CADM1: variants seen among roughly 807,000 people sequenced by gnomAD.
CADM1 encodes the protein cell adhesion molecule 1.
Under a neutral mutation model 53.1 loss-of-function variants are expected in CADM1, and 15 were observed. That is an observed-to-expected ratio of 0.28 (90% CI 0.19 to 0.44). The LOEUF (loss-of-function observed/expected upper bound fraction) is 0.44, where lower values mean the gene tolerates loss of function less well. Among genes scored for constraint, CADM1 ranks in the 20% least tolerant of loss-of-function variants. The pLI, the probability that CADM1 is intolerant of heterozygous loss-of-function variation, is 1.00. For synonymous variants in CADM1, 281 were observed against 243.0 expected (o/e 1.16, Z -1.45); for missense variants, 434 against 611.3 (o/e 0.71, Z 3.06).
chr11:115,229,282 G>GA lies in CADM1; in HGVS notation c.563-12dup. 6.2e-7 allele frequency: 1 copy of GA among 1,613,932 alleles called. No individual in the cohort carries two copies. The highest frequency in any genetic ancestry group is 8.5e-7 in the Non-Finnish European group (1 of 1,179,854). On this transcript the variant is annotated splice_polypyrimidine_tract_variant and intron_variant, in intron 4 of 11. Transcript: ENST00000331581. ...CCACCTCCGATTTGCCTGGGGAACA[G>GA]AAAATGTACCAAGACACCAGAGTTG...
intron 1 of CADM1, among the ~76,000 whole-genome samples, chr11:115,442,473 C>G (rs1948338925): frequency 6.6e-6 from 1 of 152,160 alleles, no homozygotes. Flanking sequence ...ATCATCATCT[C>G]TCCATCAGTG....
Position 115,175,628 on chromosome 11 carries a change from G to A in CADM1, c.*846C>T, listed in dbSNP as rs563864463. ...TCTGTTTAGGGCATGGAAAAAGGAG[G>A]AGTCCTTTCTGCCCCAAACCTTTCT... On this transcript the variant is annotated 3_prime_UTR_variant, in exon 12 of 12. Coordinates refer to ENST00000331581, the MANE Select transcript of CADM1 (RefSeq NM_001301043.2). The A allele has an allele frequency of 1.3e-5, 13 of 985,560 alleles. No homozygotes were observed. In the East Asian group the frequency reaches 1.4e-3, roughly 103 times the overall value. 61.1% of individuals were successfully genotyped at this position (985,560 alleles called of 1,614,324 possible).
chr11:115,255,367 A>G (rs1409300054), intron 1 of CADM1, among the ~76,000 whole-genome samples: 1 of 152,214 alleles, frequency 6.6e-6, no homozygotes, highest in Admixed American at 6.5e-5. Flanking sequence ...GAGCTTTGCT[A>G]TGCAGTGTTG....
intron 1 of CADM1, among the ~76,000 whole-genome samples, chr11:115,388,249 G>GTGGGTGGA (rs952307180): frequency 6.6e-6 from 1 of 152,186 alleles, no homozygotes; most frequent in East Asian, 1.9e-4. Context: ...ATGAGAGTGG[G>GTGGGTGGA]TGGGTGGATG....
chr11:115,257,004 C>G, intron 1 of CADM1: 1 of 412,328 alleles, frequency 2.4e-6, no homozygotes, highest in Non-Finnish European at 5.0e-6. Flanking sequence ...GAATTACGTA[C>G]TTCCTGGAAA....
intron 1 of CADM1, among the ~76,000 whole-genome samples, chr11:115,465,305 G>T (rs1287231010): frequency 1.3e-5 from 2 of 152,166 alleles, no homozygotes; most frequent in East Asian, 3.9e-4. Flanking sequence ...GCATGAATTT[G>T]GGCTAGTCTC....
Position 115,173,915 on chromosome 11 carries a change from T to G in CADM1, c.*2559A>C. ...CCTTTAAAAAACACAAAAAACAAGT[T>G]TGTTCTTTCTTCACTCTAAAAAAAG... On this transcript the variant is annotated 3_prime_UTR_variant, in exon 12 of 12. Transcript: ENST00000331581. The G allele has an allele frequency of 2.1e-6, 2 of 968,446 alleles. No homozygotes were observed. Among genetic ancestry groups the G allele is most frequent in the Non-Finnish European group, 2.5e-6 (2 of 814,506 alleles). 60.0% of individuals were successfully genotyped at this position (968,446 alleles called of 1,614,324 possible). A position where few individuals can be genotyped will look rare whatever the true frequency, so the allele number is the denominator to read the frequency against.
chr11:115,314,649 C>A (rs182924316), intron 1 of CADM1, among the ~76,000 whole-genome samples: 252 of 152,222 alleles, frequency 1.7e-3, no homozygotes, highest in African/African-American at 5.8e-3. Flanking sequence ...TGGTAGTAAA[C>A]AGAGTGCCCA....
intron 1 of CADM1, among the ~76,000 whole-genome samples, chr11:115,483,949 G>A (rs1160556340): frequency 6.6e-6 from 1 of 152,148 alleles, no homozygotes; most frequent in Non-Finnish European, 1.5e-5. Context: ...GCCAGAAAAA[G>A]GATGCCAAAC....
intron 1 of CADM1, among the ~76,000 whole-genome samples, chr11:115,324,110 A>G (rs896677281): frequency 6.6e-6 from 1 of 152,162 alleles, no homozygotes; most frequent in Non-Finnish European, 1.5e-5. Flanking sequence ...TTTCAAGCCA[A>G]CTCACTCTTG....
In CADM1 at chr11:115,256,001, G is replaced by A. The variant is rs551630657; in HGVS notation, c.125-15581C>T. Among the ~76,000 whole-genome samples, 6 of 152,302 alleles carry A rather than the reference G, an allele frequency of 3.9e-5. No homozygotes were observed. The South Asian group carries it at 1.0e-3, about 26-fold the overall frequency. ...TAGTGGGGTCTGTCAGTTCACAAGC[G>A]GTAGCACCCTAGCTGAATTTTTGCT... On this transcript the variant is annotated intron_variant, in intron 1 of 11. Coordinates refer to ENST00000331581, the MANE Select transcript of CADM1 (RefSeq NM_001301043.2).
chr11:115,272,525 T>C (rs765758839), intron 1 of CADM1, among the ~76,000 whole-genome samples: 4 of 152,148 alleles, frequency 2.6e-5, no homozygotes, highest in Non-Finnish European at 5.9e-5. Context: ...AAACAAACTT[T>C]TAACTCTCCA....
intron 1 of CADM1, among the ~76,000 whole-genome samples, chr11:115,307,055 G>A (rs1944394338): frequency 6.6e-6 from 1 of 151,904 alleles, no homozygotes; most frequent in Non-Finnish European, 1.5e-5. Flanking sequence ...TCATGCAATA[G>A]CATTCAAATA....
At chr11:115,239,598 C>T (rs1045304530) in intron 2 of CADM1, among the ~76,000 whole-genome samples, 18 of 152,080 alleles carry the variant, frequency 1.2e-4, no homozygotes, top group Non-Finnish European at 2.1e-4. Flanking sequence ...GGTTTATCAA[C>T]GTTTTCCACA....
chr11:115,484,493 C>T (rs1949326970), intron 1 of CADM1, among the ~76,000 whole-genome samples: 1 of 152,168 alleles, frequency 6.6e-6, no homozygotes, highest in Non-Finnish European at 1.5e-5. Flanking sequence ...CAAGGATAGT[C>T]GTGAGGTTTA....
chr11:115,495,427 T>C (rs1322853241), intron 1 of CADM1, among the ~76,000 whole-genome samples: 1 of 152,096 alleles, frequency 6.6e-6, no homozygotes, highest in Non-Finnish European at 1.5e-5. Flanking sequence ...AGAACTGAAC[T>C]CTGAAGGGAA....
chr11:115,465,805 G>A (rs1175185646), intron 1 of CADM1, among the ~76,000 whole-genome samples: 1 of 152,118 alleles, frequency 6.6e-6, no homozygotes, highest in Non-Finnish European at 1.5e-5. Flanking sequence ...AGGAAAAGTA[G>A]AACCAGTGTT....
rs531240754 is a variant in CADM1 at position 115,322,414 on chromosome 11, T to C, written c.125-81994A>G. On this transcript the variant is annotated intron_variant, in intron 1 of 11. Transcript: ENST00000331581. ...TATATATAACACTTTTATGGAGATA[T>C]AATTCATATATCACAGAACTCACCT... 6.0e-4 allele frequency among the ~76,000 whole-genome samples: 91 copies of C among 152,352 alleles called. 1 individual carries two copies. Among genetic ancestry groups the C allele is most frequent in the Admixed American group, 1.3e-3 (20 of 15,306 alleles).
chr11:115,404,354 T>A (rs374343820), intron 1 of CADM1, among the ~76,000 whole-genome samples: 2,321 of 14,634 alleles, frequency 0.16, 142 homozygotes, highest in Non-Finnish European at 0.2. Flanking sequence ...AAAATATATA[T>A]ATATATATAT....
Sources: allele counts gnomAD v4.1 joint callset (sites outside exome capture counted in the v4.1 genomes callset), GRCh38; gene constraint gnomAD v4.1.1; transcripts MANE v1.5; gene names NCBI Gene and HGNC (gene_info 2026-07-23, HGNC 2026-07-21).